APOLD1: variants seen among roughly 807,000 people sequenced by gnomAD.
APOLD1 encodes the protein apolipoprotein L domain containing 1, also known as apolipoprotein L domain-containing protein 1.
In APOLD1, 22 loss-of-function variants were observed where a neutral mutation model predicts 15.3. The ratio of observed to expected loss-of-function variants is 1.44; its 90% CI spans 1.03 to 2.05. The LOEUF (loss-of-function observed/expected upper bound fraction) is 2.05. Among genes scored for constraint, APOLD1 ranks in the 30% most tolerant of loss-of-function variants. APOLD1 has a pLI of 0.00. For missense variants in APOLD1, 394 were observed against 353.5 expected (o/e 1.11, Z -0.92); for synonymous variants, 190 against 167.4 (o/e 1.13, Z -1.04).
intron 1 of APOLD1, among the ~76,000 whole-genome samples, chr12:12,757,938 T>C (rs1385416389): frequency 1.0e-5 from 1 of 100,406 alleles, no homozygotes; most frequent in Non-Finnish European, 1.9e-5. Flanking sequence ...ATTCAATATC[T>C]TTTTTTTTTT....
intron 1 of APOLD1, among the ~76,000 whole-genome samples, chr12:12,737,342 C>T (rs1010879183): frequency 7.2e-5 from 11 of 152,136 alleles, no homozygotes; most frequent in South Asian, 2.1e-4. Context: ...CCACCCCATA[C>T]GCTTTTACAG....
intron 1 of APOLD1, among the ~76,000 whole-genome samples, chr12:12,746,064 A>G (rs1946762576): frequency 6.6e-6 from 1 of 152,110 alleles, no homozygotes; most frequent in African/African-American, 2.4e-5. Flanking sequence ...TCAGGAAATT[A>G]ATTTTACGCC....
At chr12:12,738,396 G>C (rs139954557) in intron 1 of APOLD1, among the ~76,000 whole-genome samples, 2 of 151,734 alleles carry the variant, frequency 1.3e-5, no homozygotes, top group African/African-American at 4.8e-5. Flanking sequence ...TTTAGAGATG[G>C]GGTCTCACTA....
chr12:12,746,784 C>G (rs1946770143), intron 1 of APOLD1, among the ~76,000 whole-genome samples: 4 of 152,066 alleles, frequency 2.6e-5, no homozygotes, highest in Admixed American at 2.6e-4. Flanking sequence ...CAGCCCTTCT[C>G]TCTTCTTCTT....
upstream of APOLD1, among the ~76,000 whole-genome samples, chr12:12,782,349 T>C (rs1947088062): frequency 6.6e-6 from 1 of 152,164 alleles, no homozygotes; most frequent in Non-Finnish European, 1.5e-5. Context: ...AGGAATCACC[T>C]GTATTCTCCC....
At chr12:12,756,877 A>G (rs1946860957) in intron 1 of APOLD1, among the ~76,000 whole-genome samples, 1 of 151,964 alleles carries the variant, frequency 6.6e-6, no homozygotes, top group Non-Finnish European at 1.5e-5. Context: ...ACCTCCACCT[A>G]CCGGGTTCAA....
exon 1 of APOLD1, chr12:12,726,081 C>T: frequency 1.3e-6 from 2 of 1,532,636 alleles, no homozygotes; most frequent in African/African-American, 1.4e-5. Context: ...GATGCACCTT[C>T]CCCTGCCTTG....
chr12:12,771,621 A>G, intron 1 of APOLD1: 2 of 494,154 alleles, frequency 4.0e-6, no homozygotes, highest in Admixed American at 4.3e-5. Flanking sequence ...TTCTTTGATA[A>G]TTTTCTGCTT....
At chr12:12,764,370 T>G (rs1340386981) in intron 1 of APOLD1, among the ~76,000 whole-genome samples, 1 of 152,236 alleles carries the variant, frequency 6.6e-6, no homozygotes, top group Admixed American at 6.5e-5. Context: ...CAATTCTCCC[T>G]GATGATGTTT....
At chr12:12,751,229 T>C (rs1315544233) in intron 1 of APOLD1, among the ~76,000 whole-genome samples, 1 of 152,124 alleles carries the variant, frequency 6.6e-6, no homozygotes, top group Non-Finnish European at 1.5e-5. Flanking sequence ...GGGGCAAGGA[T>C]GGTCCTCACA....
At chr12:12,730,931 G>T (rs1331117516) in intron 1 of APOLD1, among the ~76,000 whole-genome samples, 4 of 151,924 alleles carry the variant, frequency 2.6e-5, no homozygotes, top group Non-Finnish European at 5.9e-5. Context: ...CACAAGGTCA[G>T]GAGATCGAGA....
At chr12:12,754,202 C>CAAAAA (rs373664204) in intron 1 of APOLD1, among the ~76,000 whole-genome samples, 2 of 78,298 alleles carry the variant, frequency 2.6e-5, no homozygotes, top group South Asian at 1.1e-3. Flanking sequence ...GACTCTGTCT[C>CAAAAA]AAAAAAAAAA....
intron 1 of APOLD1, among the ~76,000 whole-genome samples, chr12:12,754,680 C>G (rs187032782): frequency 4.1e-4 from 62 of 152,104 alleles, no homozygotes; most frequent in Admixed American, 2.0e-3. Flanking sequence ...ATCTGCCCAC[C>G]TGAGCACCCC....
intron 1 of APOLD1, among the ~76,000 whole-genome samples, chr12:12,746,168 G>A (rs766351241): frequency 2.0e-5 from 3 of 152,102 alleles, no homozygotes; most frequent in Non-Finnish European, 2.9e-5. Flanking sequence ...GGCTTAAAAC[G>A]TATGTCTCTG....
At chr12:12,745,353 C>T (rs1290974344) in intron 1 of APOLD1, among the ~76,000 whole-genome samples, 1 of 152,008 alleles carries the variant, frequency 6.6e-6, no homozygotes, top group Non-Finnish European at 1.5e-5. Context: ...ACCAGCCTGG[C>T]CACTAAACTC....
chr12:12,771,649 T>C (rs1946988086), intron 1 of APOLD1: 1 of 498,906 alleles, frequency 2.0e-6, no homozygotes, highest in South Asian at 1.5e-5. Flanking sequence ...TCAGAGTTCA[T>C]TGAAACCCAA....
chr12:12,779,776 T>C (rs1447801141), intron 1 of APOLD1, among the ~76,000 whole-genome samples: 2 of 152,194 alleles, frequency 1.3e-5, no homozygotes, highest in Admixed American at 1.3e-4. Flanking sequence ...CATAGACAAG[T>C]GTGTATCTAT....
At chr12:12,730,063 TGTGTGTGTGTGTGTGA>T (rs71064316) in intron 1 of APOLD1, among the ~76,000 whole-genome samples, 4,510 of 115,976 alleles carry the variant, frequency 0.039, 76 homozygotes, top group Middle Eastern at 0.065. Flanking sequence ...TGTGTGTGTG[TGTGTGTGTGTGTGTGA>T]GAGAGAGAGA....
upstream of APOLD1, chr12:12,785,467 C>G (rs189189001): frequency 4.2e-4 from 264 of 622,148 alleles, 1 homozygote; most frequent in East Asian, 6.2e-3. Flanking sequence ...GGAAAGCGAA[C>G]ACACAATGTT....
Sources: gnomAD v4.1 joint callset for allele counts (sites outside exome capture counted in the v4.1 genomes callset) on GRCh38, gnomAD v4.1.1 for gene constraint, MANE v1.5 for transcripts, NCBI Gene and HGNC (gene_info 2026-07-23, HGNC 2026-07-21) for gene names.